The following ACACB variants were observed in gnomAD, a reference collection of about 807,000 sequenced individuals.
ACACB encodes acetyl-CoA carboxylase beta.
A neutral mutation model predicts 278.8 loss-of-function variants in ACACB; 209 were observed. That is an observed-to-expected ratio of 0.75 (90% CI 0.67 to 0.84). ACACB has a LOEUF of 0.84. ACACB is among the 40% of genes least tolerant of loss of function. The pLI, the probability that ACACB is intolerant of heterozygous loss-of-function variation, is 0.00. For missense variants in ACACB, 2,850 were observed against 3,269.0 expected, an observed-to-expected ratio of 0.87 and a Z score of 3.13; for synonymous variants, 1,174 against 1,285.6, an observed-to-expected ratio of 0.91 and a Z score of 1.86.
At chr12:109,152,908 T>A (rs2043417849) in intron 2 of ACACB, among the ~76,000 whole-genome samples, 1 of 152,044 alleles carries the variant, frequency 6.6e-6, no homozygotes, top group Non-Finnish European at 1.5e-5. Flanking sequence ...CCTCCCAAAG[T>A]GCTGGGATTA....
At chr12:109,162,783 CAG>C (rs887192357) in intron 2 of ACACB, among the ~76,000 whole-genome samples, 3 of 152,310 alleles carry the variant, frequency 2.0e-5, no homozygotes, top group East Asian at 3.9e-4. Context: ...GATACTGACT[CAG>C]GGGATCCCCA....
intron 24 of ACACB, among the ~76,000 whole-genome samples, chr12:109,220,545 T>A (rs2046129717): frequency 6.6e-6 from 1 of 152,068 alleles, no homozygotes; most frequent in Non-Finnish European, 1.5e-5. Context: ...GTTGTTGTTG[T>A]TGTTGTTGTT....
At chr12:109,132,780 C>A (rs1338762595) in intron 1 of ACACB, among the ~76,000 whole-genome samples, 1 of 152,112 alleles carries the variant, frequency 6.6e-6, no homozygotes. Flanking sequence ...AAGGGAAAGG[C>A]TGTGAGGTTT....
intron 2 of ACACB, among the ~76,000 whole-genome samples, chr12:109,159,931 A>T (rs897952309): frequency 2.0e-5 from 3 of 151,986 alleles, no homozygotes; most frequent in African/African-American, 7.2e-5. Context: ...TTCTACTAAA[A>T]ATACAAAAAT....
intron 20 of ACACB, among the ~76,000 whole-genome samples, chr12:109,208,427 C>T (rs1336075800): frequency 1.3e-5 from 2 of 151,896 alleles, no homozygotes; most frequent in African/African-American, 2.4e-5. Flanking sequence ...AGGCTGGTCT[C>T]GAACTTCTGG....
Position 109,144,830 on chromosome 12 carries a change from C to T in ACACB, c.653+4772C>T, listed in dbSNP as rs568070972. 3.0e-5 allele frequency among the ~76,000 whole-genome samples: 4 copies of T among 132,846 alleles called. No homozygotes were observed. The East Asian group carries it at 7.2e-4, about 24-fold the overall frequency. 87.2% of individuals were successfully genotyped at this position (132,846 alleles called of 152,430 possible). ...AGGCTGGAGTGCAATGGCACAATCT[C>T]GGCTCACTGCAACCTCTGCCTCCCG... On this transcript the variant is annotated intron_variant, in intron 2 of 52. Coordinates refer to ENST00000338432, the MANE Select transcript of ACACB (RefSeq NM_001093.4).
chr12:109,246,485 T>C lies in ACACB; in HGVS notation c.5571+37T>C, dbSNP rs369382085. ...AACTGGCGGGGCAGGGTGATTCTGC[T>C]CAGCTACTACTGTATTTTCAGTGGG... On this transcript the variant is annotated intron_variant, in intron 39 of 52. Coordinates refer to ENST00000338432, the MANE Select transcript of ACACB (RefSeq NM_001093.4). 15 of 1,598,418 alleles carry C rather than the reference T, an allele frequency of 9.4e-6. No homozygotes were observed. The African/African-American group carries it at 2.0e-4, about 21-fold the overall frequency.
chr12:109,167,049 C>T, intron 3 of ACACB, 56 bp downstream of exon 3: 2 of 1,608,624 alleles, frequency 1.2e-6, no homozygotes, highest in Non-Finnish European at 1.7e-6. Context: ...AGGGGCCCCT[C>T]CTCTCAGCTG....
At chr12:109,130,266 T>C (rs1483074522) in intron 1 of ACACB, among the ~76,000 whole-genome samples, 1 of 152,126 alleles carries the variant, frequency 6.6e-6, no homozygotes, top group Non-Finnish European at 1.5e-5. Flanking sequence ...CCAGCAATGA[T>C]GTAGGTACCA....
chr12:109,261,892 AAAAG>A (rs1382753504), intron 48 of ACACB, among the ~76,000 whole-genome samples: 3 of 151,644 alleles, frequency 2.0e-5, no homozygotes, highest in Non-Finnish European at 2.9e-5. Flanking sequence ...AAAAAAAAAA[AAAAG>A]AAAGAAAAGA....
intron 2 of ACACB, among the ~76,000 whole-genome samples, chr12:109,161,999 TAG>T (rs1358071500): frequency 1.3e-5 from 2 of 150,062 alleles, no homozygotes; most frequent in African/African-American, 4.9e-5. Flanking sequence ...TTTTTTTAGG[TAG>T]AGTTTCACTC....
Position 109,201,515 on chromosome 12 carries a change from C to T in ACACB, c.2779-52C>T. 3 of 1,603,270 alleles carry T rather than the reference C, an allele frequency of 1.9e-6. No individual in the cohort carries two copies. The South Asian group carries it at 3.3e-5, about 18-fold the overall frequency. On this transcript the variant is annotated intron_variant, in intron 18 of 52. Coordinates refer to ENST00000338432, the MANE Select transcript of ACACB (RefSeq NM_001093.4). ...CCGGCATCACTAGTTCTGGGTGGCT[C>T]TGGGTGTCAATCCCGGTGGGCTCTG...
intron 18 of ACACB, 122 bp downstream of exon 18, chr12:109,199,674 G>T: frequency 1.9e-6 from 2 of 1,064,854 alleles, no homozygotes. Context: ...AATTTCTAAG[G>T]GAATCAGTCT....
At chr12:109,198,003 T>C (rs1338616932) in intron 17 of ACACB, among the ~76,000 whole-genome samples, 1 of 151,910 alleles carries the variant, frequency 6.6e-6, no homozygotes, top group Non-Finnish European at 1.5e-5. Context: ...TCCGAGATGA[T>C]CCCCCCACCT....
At chr12:109,170,793 GTT>G (rs71079532) in intron 4 of ACACB, among the ~76,000 whole-genome samples, 21 of 114,930 alleles carry the variant, frequency 1.8e-4, no homozygotes, top group Non-Finnish European at 2.6e-4. Context: ...TTTTGTGTGT[GTT>G]TTTTTTTTTA....
At position 109,240,003 on chromosome 12, in the gene ACACB, G is replaced by T. The variant is rs1364675233; in HGVS notation, c.4818+18G>T. ...CCTTCAAGGTCTCGCCTTTGCAGGG[G>T]GGCTCTCACCGGGCTCTGGGTTCAC... is the stretch of plus-strand genomic sequence containing the variant. On this transcript the variant is annotated intron_variant, in intron 35 of 52. Coordinates refer to ENST00000338432, the MANE Select transcript of ACACB (RefSeq NM_001093.4). The T allele has an allele frequency of 1.2e-5, 20 of 1,610,356 alleles. No homozygotes were observed. In the East Asian group the frequency reaches 4.5e-4, roughly 36 times the overall value.
chr12:109,184,101 G>A (rs1217095243), intron 11 of ACACB, among the ~76,000 whole-genome samples: 1 of 151,418 alleles, frequency 6.6e-6, no homozygotes, highest in African/African-American at 2.4e-5. Flanking sequence ...CACCCAGGCT[G>A]GAGTGCAGTG....
intron 4 of ACACB, among the ~76,000 whole-genome samples, chr12:109,170,942 T>G (rs2044092628): frequency 6.6e-6 from 1 of 151,680 alleles, no homozygotes; most frequent in African/African-American, 2.4e-5. Flanking sequence ...GCTCAAGTGA[T>G]CCTCCTGCCT....
At chr12:109,239,284 A>G (rs1211299341) in intron 34 of ACACB, among the ~76,000 whole-genome samples, 1 of 152,186 alleles carries the variant, frequency 6.6e-6, no homozygotes, top group African/African-American at 2.4e-5. Context: ...AACTGCCATC[A>G]AAAAGACAGT....
Sources: gnomAD v4.1 joint callset for allele counts (sites outside exome capture counted in the v4.1 genomes callset) on GRCh38, gnomAD v4.1.1 for gene constraint, MANE v1.5 for transcripts, NCBI Gene and HGNC (gene_info 2026-07-23, HGNC 2026-07-21) for gene names.